TCERG1: variants seen among roughly 807,000 people sequenced by gnomAD.
TCERG1 encodes TATA box binding protein (TBP)-associated factor, RNA polymerase II, S, 150kD.
In TCERG1, 37 loss-of-function variants were observed where a neutral mutation model predicts 144.7. That is an observed-to-expected ratio of 0.26 (90% CI 0.20 to 0.34). The LOEUF is 0.34. Among genes scored for constraint, TCERG1 ranks in the 10% least tolerant of loss-of-function variants. The probability of loss-of-function intolerance (pLI) is 1.00; values close to 1 mark genes in which losing one functional copy is unlikely to be tolerated. For missense variants in TCERG1, 1,027 were observed against 1,380.7 expected, an observed-to-expected ratio of 0.74 and a Z score of 4.06; for synonymous variants, 492 against 458.2, an observed-to-expected ratio of 1.07 and a Z score of -0.94.
Position 146,459,078 on chromosome 5 carries a change from C to T in TCERG1, c.633C>T (p.Ala211=), listed in dbSNP as rs776974133. ...CTCAGGCCCAGGCTCAGGCTCAGGC[C>T]CAGGCCCAGGCCCAGGCCCAGGCCC... ...AQAQAQAQAQ[A]QAQAQAQAQA... is the part of the protein sequence containing the mutation. The change falls in exon 4 of 23, where the codon GCC becomes GCT. Residue 211 remains alanine, a synonymous_variant. Transcript: ENST00000679501. 18 of 1,437,548 alleles carry T rather than the reference C, an allele frequency of 1.3e-5. No individual in the cohort carries two copies. In the Admixed American group the frequency reaches 2.7e-4, roughly 22 times the overall value. The allele number at this position is 1,437,548 out of a possible 1,614,324, so 89.0% of individuals were successfully genotyped here.
chr5:146,451,218 C>G (rs536945099), intron 1 of TCERG1, among the ~76,000 whole-genome samples: 2 of 151,880 alleles, frequency 1.3e-5, no homozygotes. Flanking sequence ...TTTTTTTGCC[C>G]TAAAAGTTTG....
At chr5:146,448,656 C>T (rs1467669448) in intron 1 of TCERG1, among the ~76,000 whole-genome samples, 1 of 152,164 alleles carries the variant, frequency 6.6e-6, no homozygotes, top group African/African-American at 2.4e-5. Context: ...AGGAAAATGC[C>T]TTTCAGATTC....
At chr5:146,458,270 G>A (rs562751990) in intron 3 of TCERG1, among the ~76,000 whole-genome samples, 280 of 151,828 alleles carry the variant, frequency 1.8e-3, no homozygotes, top group Non-Finnish European at 2.7e-3. Context: ...TCCGCCTCCC[G>A]GGTTCAAGTG....
In TCERG1 at chr5:146,507,204, T is replaced by C. The variant is rs772346931; in HGVS notation, c.2958T>C (p.Ser986=). 6.3e-7 allele frequency: 1 copy of C among 1,581,026 alleles called. No homozygotes were observed. The highest frequency in any genetic ancestry group is 8.6e-7 in the Non-Finnish European group (1 of 1,168,272). ...EHFRQLLDET[S]AITLTSTWKE... ...TTAGGCAACTTCTGGATGAAACTTCTGCAGTAAGAATCTCTTATTTTTCTC... is the reference window on the plus strand; with the variant it reads ...TTAGGCAACTTCTGGATGAAACTTCCGCAGTAAGAATCTCTTATTTTTCTC... Residue 986 remains serine, a synonymous_variant, in exon 20 of 23, where the codon TCT becomes TCC. Transcript: ENST00000679501. This position sits in a 1 kb window ranked among gnomAD's most constrained non-coding sequence, Gnocchi z 4.6.
Position 146,510,688 on chromosome 5 carries a change from G to T in TCERG1, c.*46G>T. 1 of 1,563,968 alleles carries T rather than the reference G, an allele frequency of 6.4e-7. No individual in the cohort carries two copies. The highest frequency in any genetic ancestry group is 8.7e-7 in the Non-Finnish European group (1 of 1,153,632). ...GGGCATCTATTCAAAATGCTTGCAT[G>T]AGCCAATTTTCAGGTTTTTACATAT... On this transcript the variant is annotated 3_prime_UTR_variant, in exon 23 of 23. Coordinates refer to ENST00000679501, the MANE Select transcript of TCERG1 (RefSeq NM_001382548.1).
intron 1 of TCERG1, among the ~76,000 whole-genome samples, chr5:146,448,465 G>GT (rs1052013487): frequency 1.3e-5 from 2 of 152,138 alleles, no homozygotes; most frequent in African/African-American, 4.8e-5. Context: ...TGGTACTTTG[G>GT]TTTTTTTCTG....
chr5:146,462,278 T>C (rs567422207), intron 4 of TCERG1, among the ~76,000 whole-genome samples: 2 of 152,216 alleles, frequency 1.3e-5, no homozygotes, highest in Non-Finnish European at 2.9e-5. Context: ...GGGAAAGCAC[T>C]GTTTTCATTT....
intron 6 of TCERG1, 68 bp downstream of exon 6, chr5:146,468,471 T>G: frequency 6.8e-7 from 1 of 1,476,850 alleles, no homozygotes; most frequent in Non-Finnish European, 9.3e-7. Context: ...TTGTTGTTTA[T>G]CCTTTTATTT....
intron 15 of TCERG1, among the ~76,000 whole-genome samples, chr5:146,490,881 A>G (rs1049898733): frequency 3.3e-5 from 5 of 152,020 alleles, no homozygotes; most frequent in African/African-American, 7.2e-5. Context: ...TTAACCAACT[A>G]TTTAGATTTT....
intron 15 of TCERG1, among the ~76,000 whole-genome samples, chr5:146,486,603 C>T (rs1390837564): frequency 6.6e-6 from 1 of 152,138 alleles, no homozygotes; most frequent in Non-Finnish European, 1.5e-5. Flanking sequence ...GACAAGGATA[C>T]CCACTTTCAC....
intron 21 of TCERG1, among the ~76,000 whole-genome samples, chr5:146,508,758 T>C (rs933905760): frequency 6.6e-6 from 1 of 152,214 alleles, no homozygotes; most frequent in South Asian, 2.1e-4. Context: ...CTTTTTGTTC[T>C]TGAAGTTAAA....
In TCERG1 at chr5:146,507,068, C is replaced by G; in HGVS notation, c.2822C>G (p.Thr941Ser). Reference protein sequence around the residue: ...SDVSWSDTRRTLRKDHRWESG... With the variant: ...SDVSWSDTRRSLRKDHRWESG... ...GTGTCATGGTCTGATACTCGTAGGA[C>G]CCTCCGAAAAGATCACCGCTGGGAA... is the stretch of plus-strand genomic sequence containing the variant. The change falls in exon 20 of 23, where the codon ACC becomes AGC. Residue 941 changes from threonine (T) to serine (S), a missense_variant. Physicochemically the swap from Thr to Ser is moderately conservative, Grantham distance 58. This residue lies in a region of TCERG1 where 133 missense variants were observed against 283.2 expected (regional missense o/e 0.47). Coordinates refer to ENST00000679501, the MANE Select transcript of TCERG1 (RefSeq NM_001382548.1). The surrounding 1 kb of genome is among the most constrained non-coding windows in gnomAD (Gnocchi z 4.6). 6.2e-7 allele frequency: 1 copy of G among 1,611,114 alleles called. No individual in the cohort carries two copies. The highest frequency in any genetic ancestry group is 2.2e-5 in the East Asian group (1 of 44,808).
intron 2 of TCERG1, among the ~76,000 whole-genome samples, chr5:146,456,207 CTCCT>C (rs1456159943): frequency 6.6e-6 from 1 of 152,222 alleles, no homozygotes; most frequent in Non-Finnish European, 1.5e-5. Flanking sequence ...CGAATAGCCT[CTCCT>C]TCCTTTAAAC....
At chr5:146,509,836 C>T (rs1768323641) in intron 22 of TCERG1, among the ~76,000 whole-genome samples, 2 of 152,170 alleles carry the variant, frequency 1.3e-5, no homozygotes, top group Admixed American at 6.5e-5. Flanking sequence ...CATTGCTTAC[C>T]AGTCAGTATG....
At chr5:146,448,091 A>G (rs1314262421) in intron 1 of TCERG1, among the ~76,000 whole-genome samples, 1 of 152,218 alleles carries the variant, frequency 6.6e-6, no homozygotes, top group Admixed American at 6.5e-5. Flanking sequence ...CCTTTGGAGT[A>G]GTTGCTATTA....
At chr5:146,455,569 T>G (rs1167633240) in intron 2 of TCERG1, among the ~76,000 whole-genome samples, 1 of 152,242 alleles carries the variant, frequency 6.6e-6, no homozygotes, top group East Asian at 1.9e-4. Flanking sequence ...TAATGCATCT[T>G]CTTTATGGGA....
At position 146,487,971 on chromosome 5, in the gene TCERG1, A is replaced by G. The variant is rs184474770; in HGVS notation, c.2163+4342A>G. 8.5e-5 allele frequency among the ~76,000 whole-genome samples: 13 copies of G among 152,280 alleles called. 1 individual carries two copies. In the East Asian group the frequency reaches 2.5e-3, roughly 29 times the overall value. Reference sequence around the variant, plus strand: ...ATATATCTATAGGCAACTTATTTTGACAAAGGTGCCAAGAACACTCACTGT... The same window carrying G: ...ATATATCTATAGGCAACTTATTTTGGCAAAGGTGCCAAGAACACTCACTGT... On this transcript the variant is annotated intron_variant, in intron 15 of 22. Coordinates refer to ENST00000679501, the MANE Select transcript of TCERG1 (RefSeq NM_001382548.1).
chr5:146,452,436 A>G (rs959420681), intron 1 of TCERG1, among the ~76,000 whole-genome samples: 3 of 152,170 alleles, frequency 2.0e-5, no homozygotes. Flanking sequence ...TGGGTACTGT[A>G]TCACCTAGGT....
At chr5:146,486,047 GAGA>G (rs1252839532) in intron 15 of TCERG1, among the ~76,000 whole-genome samples, 1 of 152,128 alleles carries the variant, frequency 6.6e-6, no homozygotes. Flanking sequence ...TGTAAGAACT[GAGA>G]AGAAGTAGTA....
Sources: gnomAD v4.1 joint callset for allele counts (sites outside exome capture counted in the v4.1 genomes callset) on GRCh38, gnomAD v4.1.1 for gene constraint, gnomAD v4.1.1 regional missense constraint, Gnocchi (gnomAD v3.1) non-coding constraint, MANE v1.5 for transcripts, NCBI Gene and HGNC (gene_info 2026-07-23, HGNC 2026-07-21) for gene names.